Variants in ZDHHC13 observed in about 807,000 individuals in gnomAD.
ZDHHC13 encodes palmitoyltransferase ZDHHC13.
Under a neutral mutation model 86.0 loss-of-function variants are expected in ZDHHC13, and 85 were observed. The ratio of observed to expected loss-of-function variants is 0.99; its 90% CI spans 0.83 to 1.18. ZDHHC13 has a LOEUF of 1.18. ZDHHC13 is among the 50% of genes most tolerant of loss of function. ZDHHC13 has a pLI of 0.00. For missense variants in ZDHHC13, 711 were observed against 730.2 expected, an observed-to-expected ratio of 0.97 and a Z score of 0.30; for synonymous variants, 263 against 246.4, an observed-to-expected ratio of 1.07 and a Z score of -0.63.
At chr11:19,158,863 A>G in intron 9 of ZDHHC13, 77 bp from the exon 10 acceptor site, 1 of 946,006 alleles carries the variant, frequency 1.1e-6, no homozygotes, top group South Asian at 1.9e-5. Flanking sequence ...TATTACTACC[A>G]TTATTATTTA....
At chr11:19,122,471 T>G (rs1339446036) in intron 1 of ZDHHC13, among the ~76,000 whole-genome samples, 1 of 152,148 alleles carries the variant, frequency 6.6e-6, no homozygotes. Flanking sequence ...CTTAAGCTAC[T>G]TGCTCATTTT....
At chr11:19,158,150 C>A (rs1849809305) in intron 9 of ZDHHC13, among the ~76,000 whole-genome samples, 1 of 152,076 alleles carries the variant, frequency 6.6e-6, no homozygotes, top group African/African-American at 2.4e-5. Flanking sequence ...TATGAACTTA[C>A]CATTATTATG....
intron 1 of ZDHHC13, among the ~76,000 whole-genome samples, chr11:19,122,317 C>T (rs1848774521): frequency 6.6e-6 from 1 of 152,136 alleles, no homozygotes; most frequent in Non-Finnish European, 1.5e-5. Flanking sequence ...CAAGGGGGTA[C>T]TGACTTGTCA....
intron 1 of ZDHHC13, among the ~76,000 whole-genome samples, chr11:19,131,137 G>A (rs1375463657): frequency 6.6e-6 from 1 of 152,156 alleles, no homozygotes; most frequent in South Asian, 2.1e-4. Context: ...TCCTGCCTCA[G>A]CCTCCCGAAT....
chr11:19,152,120 C>G (rs750122681), intron 6 of ZDHHC13, 38 bp from the exon 7 acceptor site: 6 of 1,597,024 alleles, frequency 3.8e-6, no homozygotes, highest in African/African-American at 2.7e-5. Context: ...GTCATCATCT[C>G]TGTTAATGCC....
intron 1 of ZDHHC13, among the ~76,000 whole-genome samples, chr11:19,140,102 A>G (rs1372002870): frequency 6.7e-6 from 1 of 149,822 alleles, no homozygotes; most frequent in Non-Finnish European, 1.5e-5. Flanking sequence ...GCACAGCAAA[A>G]GAAACTACCA....
Position 19,146,183 on chromosome 11 carries a change from A to G in ZDHHC13, c.176A>G (p.Tyr59Cys), listed in dbSNP as rs766953426. 1.9e-6 allele frequency: 3 copies of G among 1,578,694 alleles called. No homozygotes were observed. Among genetic ancestry groups the G allele is most frequent in the South Asian group, 1.2e-5 (1 of 83,872 alleles). The change falls in exon 3 of 17, where the codon TAC (tyrosine) becomes TGC (cysteine). Residue 59 changes from tyrosine to cysteine, a missense_variant and splice_region_variant. Transcript: ENST00000446113. ...TGCTTTTTTTTTTCTTCTTTGAGAT[A>G]CGGAATTTTTGAACGATGTAAAGAG... Reference protein sequence around the residue: ...SNCDIVKATQYGIFERCKELV... With the variant: ...SNCDIVKATQCGIFERCKELV...
chr11:19,172,028 C>T (rs1157859787), intron 15 of ZDHHC13, among the ~76,000 whole-genome samples: 1 of 152,146 alleles, frequency 6.6e-6, no homozygotes, highest in Non-Finnish European at 1.5e-5. Flanking sequence ...TCAGTTACTT[C>T]ATCTCTCTAA....
At chr11:19,121,264 T>A (rs1848753471) in intron 1 of ZDHHC13, among the ~76,000 whole-genome samples, 1 of 152,178 alleles carries the variant, frequency 6.6e-6, no homozygotes, top group Admixed American at 6.5e-5. Context: ...CATGATACGA[T>A]CTTGTTTGAT....
intron 1 of ZDHHC13, among the ~76,000 whole-genome samples, chr11:19,138,567 G>T (rs1407165861): frequency 6.6e-6 from 1 of 151,890 alleles, no homozygotes; most frequent in Non-Finnish European, 1.5e-5. Flanking sequence ...ATTTTGTGAG[G>T]CCAGCATCAT....
At position 19,157,128 on chromosome 11, in the gene ZDHHC13, A is replaced by C. The variant is rs74327183; in HGVS notation, c.1007+1199A>C. On this transcript the variant is annotated intron_variant, in intron 9 of 16. Coordinates refer to ENST00000446113, the MANE Select transcript of ZDHHC13 (RefSeq NM_019028.3). ...GGATATGTCATTCAGGCCTCAGTTC[A>C]GCTGTCACCTGCTTAGTGAGGCCGT... Among the ~76,000 whole-genome samples, 1,044 of 152,354 alleles carry C rather than the reference A, an allele frequency of 6.9e-3. 9 individuals are homozygous for C. Among genetic ancestry groups the C allele is most frequent in the African/African-American group, 0.024 (985 of 41,588 alleles).
Position 19,139,445 on chromosome 11 carries a change from C to T in ZDHHC13, c.28-3533C>T, listed in dbSNP as rs535297148. The stretch of plus-strand genomic sequence containing the variant: ...CAAACAAATGGAAGAACATTCCATG[C>T]TCATGGGTAGGAAGAATCAATATTG... On this transcript the variant is annotated intron_variant, in intron 1 of 16. Coordinates refer to ENST00000446113, the MANE Select transcript of ZDHHC13 (RefSeq NM_019028.3). Among the ~76,000 whole-genome samples the T allele has an allele frequency of 9.3e-5, 13 of 139,244 alleles. 1 individual carries two copies. The highest frequency in any genetic ancestry group is 4.8e-5 in the Non-Finnish European group (3 of 62,824). The allele number at this position is 139,244 out of a possible 152,430, so 91.3% of individuals were successfully genotyped here. A position where few individuals can be genotyped will look rare whatever the true frequency, so the allele number is the denominator to read the frequency against.
At chr11:19,168,558 C>G (rs1414238823) in intron 14 of ZDHHC13, 1 of 152,812 alleles carries the variant, frequency 6.5e-6, no homozygotes, top group Admixed American at 6.5e-5. Flanking sequence ...ACTGTATAAA[C>G]TAGCTGAGTG....
In ZDHHC13 at chr11:19,166,392, G is replaced by A. The variant is rs997412896; in HGVS notation, c.1474+7G>A. ...ATATATGGATCTTTCATCTGTAAGT[G>A]TAAATTTTTCTTACAACAAGCACAT... On this transcript the variant is annotated splice_region_variant and intron_variant, in intron 14 of 16. Transcript: ENST00000446113. 1 of 1,605,112 alleles carries A rather than the reference G, an allele frequency of 6.2e-7. No individual in the cohort carries two copies. Among genetic ancestry groups the A allele is most frequent in the East Asian group, 2.2e-5 (1 of 44,724 alleles).
chr11:19,130,510 C>T (rs748474088), intron 1 of ZDHHC13, among the ~76,000 whole-genome samples: 2 of 152,116 alleles, frequency 1.3e-5, no homozygotes, highest in African/African-American at 2.4e-5. Context: ...AGCCAGATTT[C>T]GGCTTCAATG....
chr11:19,146,181 A>G lies in ZDHHC13; in HGVS notation c.174A>G (p.Gln58=), dbSNP rs1387840014. 33 of 1,575,524 alleles carry G rather than the reference A, an allele frequency of 2.1e-5. No individual in the cohort carries two copies. The highest frequency in any genetic ancestry group is 2.8e-5 in the Non-Finnish European group (33 of 1,164,588). The change falls in exon 3 of 17, where the codon CAA becomes CAG. Residue 58 remains glutamine (Q), a splice_region_variant and synonymous_variant. Transcript: ENST00000446113. ...SSNCDIVKAT[Q]YGIFERCKEL... ...TATGCTTTTTTTTTTCTTCTTTGAG[A>G]TACGGAATTTTTGAACGATGTAAAG...
At chr11:19,133,763 A>C (rs1394470390) in intron 1 of ZDHHC13, among the ~76,000 whole-genome samples, 1 of 151,782 alleles carries the variant, frequency 6.6e-6, no homozygotes, top group East Asian at 1.9e-4. Context: ...TTATAACTGA[A>C]GTCAGGAAAC....
intron 10 of ZDHHC13, among the ~76,000 whole-genome samples, chr11:19,159,730 G>A (rs946948125): frequency 6.6e-6 from 1 of 151,912 alleles, no homozygotes; most frequent in Admixed American, 6.6e-5. Context: ...TAAGGATCAG[G>A]GCCCAGGACC....
intron 1 of ZDHHC13, among the ~76,000 whole-genome samples, chr11:19,126,225 A>G (rs1293773236): frequency 6.6e-6 from 1 of 152,004 alleles, no homozygotes; most frequent in East Asian, 1.9e-4. Flanking sequence ...TCCTTACCCA[A>G]GTATTAAGCC....
Sources: allele counts gnomAD v4.1 joint callset (sites outside exome capture counted in the v4.1 genomes callset), GRCh38; gene constraint gnomAD v4.1.1; transcripts MANE v1.5; gene names NCBI Gene and HGNC (gene_info 2026-07-23, HGNC 2026-07-21).